The following ITCH variants were observed in gnomAD, a reference collection of about 807,000 sequenced individuals.
ITCH encodes E3 ubiquitin-protein ligase Itchy homolog.
Under a neutral mutation model 126.8 loss-of-function variants are expected in ITCH, and 28 were observed. That is an observed-to-expected ratio of 0.22 (90% CI 0.16 to 0.30). The LOEUF is 0.30. Among genes scored for constraint, ITCH ranks in the 10% least tolerant of loss-of-function variants. The pLI is 1.00. For synonymous variants in ITCH, 342 were observed against 340.0 expected (o/e 1.01, Z -0.06); for missense variants, 631 against 1,032.4 (o/e 0.61, Z 5.33).
At chr20:34,471,238 T>C (rs1987592673) in intron 15 of ITCH, among the ~76,000 whole-genome samples, 1 of 152,208 alleles carries the variant, frequency 6.6e-6, no homozygotes, top group South Asian at 2.1e-4. Context: ...AGATCAATCT[T>C]GTGGTTCTTC....
intron 7 of ITCH, among the ~76,000 whole-genome samples, chr20:34,427,112 C>T (rs1450254619): frequency 6.6e-6 from 1 of 152,140 alleles, no homozygotes; most frequent in African/African-American, 2.4e-5. Flanking sequence ...TTAAAGACAA[C>T]TCATCAAGAT....
At chr20:34,495,097 CAAA>C (rs71194611) in intron 23 of ITCH, among the ~76,000 whole-genome samples, 1 of 110,378 alleles carries the variant, frequency 9.1e-6, no homozygotes, top group Non-Finnish European at 1.8e-5. Flanking sequence ...ACGAAAAATA[CAAA>C]AAAAAAAAAA....
chr20:34,501,266 A>AATAT (rs1450582163), intron 23 of ITCH, among the ~76,000 whole-genome samples: 1 of 152,210 alleles, frequency 6.6e-6, no homozygotes, highest in Non-Finnish European at 1.5e-5. Flanking sequence ...TTATGGATGA[A>AATAT]ATAACCTATT....
intron 6 of ITCH, chr20:34,417,190 G>A (rs569336472): frequency 2.6e-5 from 18 of 679,712 alleles, no homozygotes; most frequent in East Asian, 1.1e-4. Flanking sequence ...TCTGCCTCCC[G>A]GGTTTAAGTG....
intron 14 of ITCH, among the ~76,000 whole-genome samples, chr20:34,465,825 C>G (rs1295405730): frequency 6.6e-6 from 1 of 152,000 alleles, no homozygotes; most frequent in Admixed American, 6.6e-5. Flanking sequence ...TTAGTGTTTT[C>G]TTCGTAAAAG....
At chr20:34,467,018 A>T (rs1311915865) in intron 14 of ITCH, among the ~76,000 whole-genome samples, 2 of 152,210 alleles carry the variant, frequency 1.3e-5, no homozygotes, top group African/African-American at 2.4e-5. Flanking sequence ...TAATAATATT[A>T]ACAACCCTTA....
chr20:34,460,842 G>T (rs2146369008), intron 13 of ITCH, among the ~76,000 whole-genome samples: 1 of 152,228 alleles, frequency 6.6e-6, no homozygotes, highest in South Asian at 2.1e-4. Flanking sequence ...GGAACATAGT[G>T]AGACCAGTCT....
At chr20:34,393,387 A>G (rs1182163651) in intron 2 of ITCH, among the ~76,000 whole-genome samples, 1 of 152,126 alleles carries the variant, frequency 6.6e-6, no homozygotes, top group African/African-American at 2.4e-5. Flanking sequence ...GCACCCACTT[A>G]TAGTCTTACC....
At chr20:34,411,167 A>G (rs991531536) in intron 4 of ITCH, among the ~76,000 whole-genome samples, 6 of 152,116 alleles carry the variant, frequency 3.9e-5, no homozygotes, top group South Asian at 2.1e-4. Flanking sequence ...ATTGACTAAT[A>G]GAGAATTTCT....
chr20:34,442,778 C>G (rs1039399623), intron 10 of ITCH, among the ~76,000 whole-genome samples: 1 of 151,454 alleles, frequency 6.6e-6, no homozygotes, highest in Non-Finnish European at 1.5e-5. Context: ...TTGAGACCAT[C>G]CTGGCTAACG....
intron 6 of ITCH, among the ~76,000 whole-genome samples, chr20:34,417,704 T>TG (rs1980126466): frequency 3.5e-5 from 1 of 28,814 alleles, no homozygotes; most frequent in African/African-American, 1.7e-4. Flanking sequence ...CTGGCCCAGC[T>TG]TTTTTTTTTT....
intron 16 of ITCH, 39 bp downstream of exon 16, chr20:34,471,554 C>CT: frequency 7.9e-7 from 1 of 1,266,716 alleles, no homozygotes; most frequent in Non-Finnish European, 1.2e-6. Context: ...CCCCTGGCTG[C>CT]TAGCTTAGGA....
In ITCH at chr20:34,445,412, G is replaced by A. The variant is rs1984335590; in HGVS notation, c.1091G>A (p.Ser364Asn). The A allele has an allele frequency of 6.2e-7, 1 of 1,614,124 alleles. No homozygotes were observed. Residue 364 changes from serine to asparagine, a missense_variant, in exon 11 of 25, where the codon AGT becomes AAT. Ser to Asn is a conservative substitution (Grantham distance 46). Around this residue, in one of 4 missense-constraint regions of ITCH, gnomAD observed 390 missense variants for 731.6 expected, o/e 0.53. Transcript: ENST00000374864. ...RNYEQWQLQRSQLQGAMQQFN... is the reference protein window; with the variant it reads ...RNYEQWQLQRNQLQGAMQQFN... The stretch of plus-strand genomic sequence containing the variant: ...TATGAACAATGGCAGCTACAGCGTA[G>A]TCAGCTTCAAGGAGCAATGCAGCAG...
At chr20:34,400,859 G>A (rs1165642063) in intron 3 of ITCH, among the ~76,000 whole-genome samples, 6 of 151,934 alleles carry the variant, frequency 3.9e-5, no homozygotes, top group African/African-American at 1.5e-4. Context: ...CCAGGTTCAA[G>A]CAATTCTCAT....
intron 3 of ITCH, among the ~76,000 whole-genome samples, chr20:34,406,535 C>CTTTT (rs758567140): frequency 1.4e-5 from 2 of 139,098 alleles, no homozygotes; most frequent in Non-Finnish European, 3.1e-5. Context: ...GCTGCTGCTT[C>CTTTT]TTTTTTTTTT....
At chr20:34,428,575 T>C (rs1981861184) in intron 7 of ITCH, among the ~76,000 whole-genome samples, 1 of 152,236 alleles carries the variant, frequency 6.6e-6, no homozygotes, top group Non-Finnish European at 1.5e-5. Flanking sequence ...TCTTTTTTTT[T>C]GTTTTTAAGT....
At chr20:34,410,508 A>C (rs1978866283) in intron 4 of ITCH, among the ~76,000 whole-genome samples, 1 of 152,196 alleles carries the variant, frequency 6.6e-6, no homozygotes, top group Non-Finnish European at 1.5e-5. Flanking sequence ...GGCTCATTGT[A>C]GATTGAGTCA....
At chr20:34,487,306 C>T (rs1024097286) in intron 20 of ITCH, among the ~76,000 whole-genome samples, 2 of 152,160 alleles carry the variant, frequency 1.3e-5, no homozygotes, top group African/African-American at 4.8e-5. Context: ...GCCGCCGTGC[C>T]CAGCCAGGTC....
intron 20 of ITCH, among the ~76,000 whole-genome samples, chr20:34,482,512 A>G (rs949871442): frequency 6.6e-6 from 1 of 152,206 alleles, no homozygotes; most frequent in African/African-American, 2.4e-5. Context: ...AGGGCAGTCA[A>G]ATCTTCAAGT....
Sources: gnomAD v4.1 joint callset for allele counts (sites outside exome capture counted in the v4.1 genomes callset) on GRCh38, gnomAD v4.1.1 for gene constraint, gnomAD v4.1.1 regional missense constraint, MANE v1.5 for transcripts, NCBI Gene and HGNC (gene_info 2026-07-23, HGNC 2026-07-21) for gene names.